The following PSD3 variants were observed in gnomAD, a reference collection of about 807,000 sequenced individuals.
PSD3 encodes the protein PH and SEC7 domain-containing protein 3.
PSD3 carries 49 observed loss-of-function variants against 105.5 expected under a neutral mutation model. The ratio of observed to expected loss-of-function variants is 0.46; its 90% CI spans 0.37 to 0.59. The LOEUF (loss-of-function observed/expected upper bound fraction) is 0.59. Ranked by LOEUF, PSD3 falls within the 20% of genes least tolerant of loss-of-function variation. The probability of loss-of-function intolerance (pLI) is 0.00; values close to 1 mark genes in which losing one functional copy is unlikely to be tolerated. For synonymous variants in PSD3, 557 were observed against 457.8 expected (o/e 1.22, Z -2.77); for missense variants, 1,561 against 1,263.8 (o/e 1.24, Z -3.57).
rs145782181 is a variant in PSD3 at position 18,806,839 on chromosome 8, A to C, written c.1635-1941T>G. ...CTCTAAAGGGGAAACGGAGATAATA[A>C]ATCCTTAAATATTCTATTATAATCA... On this transcript the variant is annotated intron_variant, in intron 4 of 15. Coordinates refer to ENST00000327040, the MANE Select transcript of PSD3 (RefSeq NM_015310.4). 5.3e-5 allele frequency among the ~76,000 whole-genome samples: 8 copies of C among 152,314 alleles called. No homozygotes were observed. In the South Asian group the frequency reaches 8.3e-4, roughly 16 times the overall value.
intron 15 of PSD3, among the ~76,000 whole-genome samples, chr8:18,547,630 C>G (rs1800525594): frequency 1.3e-5 from 2 of 152,182 alleles, no homozygotes; most frequent in African/African-American, 4.8e-5. Context: ...AATTGAGTTT[C>G]AGTTGTTTTT....
chr8:18,570,511 C>G (rs893068090), intron 14 of PSD3, among the ~76,000 whole-genome samples: 2 of 148,366 alleles, frequency 1.3e-5, no homozygotes, highest in African/African-American at 2.5e-5. Flanking sequence ...GCAAAAGAAA[C>G]TACCATCAGA....
chr8:19,000,257 C>G (rs978085739), intron 1 of PSD3, among the ~76,000 whole-genome samples: 4 of 151,422 alleles, frequency 2.6e-5, no homozygotes, highest in African/African-American at 9.7e-5. Flanking sequence ...ATTAGCCAGG[C>G]ATGTTAGTGT....
chr8:19,026,340 T>C (rs1827548021), intron 1 of PSD3, among the ~76,000 whole-genome samples: 2 of 152,288 alleles, frequency 1.3e-5, no homozygotes, highest in Non-Finnish European at 2.9e-5. Context: ...TTTAAAGAGC[T>C]TTATTAAAAG....
intron 4 of PSD3, among the ~76,000 whole-genome samples, chr8:18,855,883 G>T (rs747218573): frequency 1.4e-4 from 21 of 152,204 alleles, no homozygotes; most frequent in Non-Finnish European, 2.8e-4. Flanking sequence ...GATCACAGGT[G>T]TTTATTATTG....
chr8:18,637,648 T>A (rs1807363178), intron 10 of PSD3, among the ~76,000 whole-genome samples: 1 of 152,214 alleles, frequency 6.6e-6, no homozygotes, highest in African/African-American at 2.4e-5. Context: ...TTTCATTTTA[T>A]GGTCGTGCCA....
At chr8:18,801,435 C>G (rs1810674931) in intron 6 of PSD3, 53 bp from the exon 7 acceptor site, 2 of 996,234 alleles carry the variant, frequency 2.0e-6, no homozygotes, top group South Asian at 1.4e-5. Context: ...TGCTATCACA[C>G]TCTTTCATAG....
intron 4 of PSD3, among the ~76,000 whole-genome samples, chr8:18,858,114 A>G (rs1436624799): frequency 6.6e-6 from 1 of 152,216 alleles, no homozygotes. Context: ...CAATAGACAG[A>G]CATACCTTGG....
At chr8:19,066,137 C>T (rs1227281245) in intron 1 of PSD3, among the ~76,000 whole-genome samples, 1 of 152,120 alleles carries the variant, frequency 6.6e-6, no homozygotes, top group Non-Finnish European at 1.5e-5. Context: ...TAATAAAAGC[C>T]AACTGGATCT....
intron 1 of PSD3, among the ~76,000 whole-genome samples, chr8:18,944,318 C>T (rs1270814425): frequency 6.6e-6 from 1 of 152,126 alleles, no homozygotes; most frequent in African/African-American, 2.4e-5. Flanking sequence ...GCCTGCAATC[C>T]CAGCACTTTG....
At chr8:18,865,703 C>A (rs1051974774) in intron 4 of PSD3, among the ~76,000 whole-genome samples, 3 of 152,074 alleles carry the variant, frequency 2.0e-5, no homozygotes, top group African/African-American at 7.2e-5. Flanking sequence ...GGCAAGCTGG[C>A]GCGTCTCCAA....
At chr8:19,064,443 A>G (rs1158642990) in intron 1 of PSD3, among the ~76,000 whole-genome samples, 1 of 152,180 alleles carries the variant, frequency 6.6e-6, no homozygotes, top group African/African-American at 2.4e-5. Flanking sequence ...ATTTTGATAC[A>G]AGCATACGAT....
chr8:18,643,072 A>G (rs1226580694), intron 10 of PSD3, among the ~76,000 whole-genome samples: 1 of 152,168 alleles, frequency 6.6e-6, no homozygotes, highest in Non-Finnish European at 1.5e-5. Flanking sequence ...CTGGCTGAGG[A>G]GTTTATCACG....
In PSD3 at chr8:18,535,792, C is replaced by T. The variant is rs774880408; in HGVS notation, c.3095G>A (p.Arg1032Lys). The change falls in exon 16 of 16, where the codon AGG becomes AAG. Residue 1032 changes from arginine (R) to lysine (K), a missense_variant. Coordinates refer to ENST00000327040, the MANE Select transcript of PSD3 (RefSeq NM_015310.4). ...TAKVKRNVSE[R>K]KDHRPETPSI... is the part of the protein sequence containing the mutation. ...TGGTGTTTCAGGTCGGTGATCCTTC[C>T]TCTCTGACACGTTACGCTTGACTTT... 2.5e-6 allele frequency: 4 copies of T among 1,614,006 alleles called. No homozygotes were observed. Among genetic ancestry groups the T allele is most frequent in the Admixed American group, 3.3e-5 (2 of 59,994 alleles).
At chr8:18,712,479 A>G (rs1470589992) in intron 9 of PSD3, among the ~76,000 whole-genome samples, 1 of 152,234 alleles carries the variant, frequency 6.6e-6, no homozygotes, top group Non-Finnish European at 1.5e-5. Flanking sequence ...CCATCAGAGA[A>G]TACCATAAAC....
chr8:18,535,823 T>C lies in PSD3; in HGVS notation c.3064A>G (p.Thr1022Ala). 6.2e-7 allele frequency: 1 copy of C among 1,614,136 alleles called. No homozygotes were observed. The highest frequency in any genetic ancestry group is 8.5e-7 in the Non-Finnish European group (1 of 1,180,004). Residue 1022 changes from threonine to alanine, a missense_variant, in exon 16 of 16, where the codon ACT becomes GCT. Thr to Ala is a moderately conservative substitution (Grantham distance 58). Coordinates refer to ENST00000327040, the MANE Select transcript of PSD3 (RefSeq NM_015310.4). The stretch of plus-strand genomic sequence containing the variant: ...GACACGTTACGCTTGACTTTGGCAG[T>C]GATTGGAGAAGTATCCGGGTTCAGC... ...PSLNPDTSPI[T>A]AKVKRNVSER...
intron 9 of PSD3, among the ~76,000 whole-genome samples, chr8:18,678,564 C>T (rs4921952): frequency 0.8 from 122,163 of 152,242 alleles, 52,805 homozygotes; most frequent in Non-Finnish European, 0.97. Flanking sequence ...ATAATCCCAA[C>T]GCTTTGGGAG....
intron 9 of PSD3, among the ~76,000 whole-genome samples, chr8:18,752,271 C>T (rs143716377): frequency 0.024 from 3,626 of 150,110 alleles, 76 homozygotes; most frequent in Non-Finnish European, 0.036. Flanking sequence ...CTGTGTTTTA[C>T]GGAAAACTGA....
chr8:18,590,870 T>C (rs1322881351), intron 12 of PSD3, among the ~76,000 whole-genome samples: 2 of 152,150 alleles, frequency 1.3e-5, no homozygotes, highest in Non-Finnish European at 2.9e-5. Context: ...AAACCAAAAA[T>C]GTTTCTAAAA....
Sources: allele counts gnomAD v4.1 joint callset (sites outside exome capture counted in the v4.1 genomes callset), GRCh38; gene constraint gnomAD v4.1.1; transcripts MANE v1.5; gene names NCBI Gene and HGNC (gene_info 2026-07-23, HGNC 2026-07-21).